Variants in MUC7 observed in about 807,000 individuals in gnomAD.
MUC7 encodes the protein mucin-7.
In MUC7, 2 loss-of-function variants were observed where a neutral mutation model predicts 2.5. That is an observed-to-expected ratio of 0.81 (90% CI 0.33 to 2.55). MUC7 has a LOEUF of 2.55. Ranked by LOEUF, MUC7 falls within the 30% of genes most tolerant of loss-of-function variation. MUC7 has a pLI of 0.11. For missense variants in MUC7, 408 were observed against 455.6 expected (o/e 0.90, Z 0.95); for synonymous variants, 133 against 173.4 (o/e 0.77, Z 1.83).
intron 1 of MUC7, among the ~76,000 whole-genome samples, chr4:70,451,234 A>G (rs948115535): frequency 1.3e-5 from 2 of 152,194 alleles, no homozygotes; most frequent in Non-Finnish European, 2.9e-5. Flanking sequence ...ACAGGACAGC[A>G]CTGAGTTCCA....
At chr4:70,446,555 T>C (rs1311695038) in intron 1 of MUC7, among the ~76,000 whole-genome samples, 1 of 152,332 alleles carries the variant, frequency 6.6e-6, no homozygotes, top group Non-Finnish European at 1.5e-5. Flanking sequence ...GGACAGTAGT[T>C]ATATTGGATT....
At position 70,481,645 on chromosome 4, in the gene MUC7, C is replaced by T; in HGVS notation, c.901C>T (p.Gln301Ter). The change falls in exon 3 of 3, where the codon CAA (glutamine) becomes TAA (stop). Residue 301 changes from glutamine to a stop codon, truncating the protein, a stop_gained. Transcript: ENST00000304887. LOFTEE classifies it low-confidence loss of function (END_TRUNC). ...AGCTCCACCGTCTTCCCCAGCTCCA[C>T]AAGAGACCACAGCTGCCCCAATTAC... ...TPAPPSSPAP[Q>*]ETTAAPITTP... The T allele has an allele frequency of 6.2e-7, 1 of 1,613,814 alleles. No individual in the cohort carries two copies. Among genetic ancestry groups the T allele is most frequent in the Non-Finnish European group, 8.5e-7 (1 of 1,179,792 alleles).
intron 1 of MUC7, among the ~76,000 whole-genome samples, chr4:70,445,687 A>C (rs1013990995): frequency 2.6e-5 from 4 of 152,188 alleles, no homozygotes; most frequent in Non-Finnish European, 5.9e-5. Flanking sequence ...GCTTTGTCTA[A>C]GTAAGACAAC....
chr4:70,438,261 C>T (rs987331194), intron 1 of MUC7, among the ~76,000 whole-genome samples: 2 of 152,178 alleles, frequency 1.3e-5, no homozygotes, highest in Non-Finnish European at 2.9e-5. Flanking sequence ...AAAGTCCAGA[C>T]ATTGCAATAT....
At chr4:70,452,792 C>A (rs1005267913) in intron 1 of MUC7, among the ~76,000 whole-genome samples, 4 of 152,250 alleles carry the variant, frequency 2.6e-5, no homozygotes, top group African/African-American at 9.6e-5. Flanking sequence ...GAGTTTTCTG[C>A]CCTCAGATGA....
intron 1 of MUC7, among the ~76,000 whole-genome samples, chr4:70,456,949 C>A (rs111502330): frequency 5.3e-5 from 8 of 152,094 alleles, no homozygotes. Flanking sequence ...AATCAATAGA[C>A]CATGCCCAAA....
intron 1 of MUC7, among the ~76,000 whole-genome samples, chr4:70,433,311 T>A (rs1733730925): frequency 6.6e-6 from 1 of 152,204 alleles, no homozygotes; most frequent in African/African-American, 2.4e-5. Context: ...ATCTATAAAT[T>A]ACCTTGGGCA....
At position 70,480,889 on chromosome 4, in the gene MUC7, C is replaced by A; in HGVS notation, c.145C>A (p.Pro49Thr). 2 of 1,614,170 alleles carry A rather than the reference C, an allele frequency of 1.2e-6. No homozygotes were observed. Among genetic ancestry groups the A allele is most frequent in the African/African-American group, 1.3e-5 (1 of 75,038 alleles). Residue 49 changes from proline (P) to threonine (T), a missense_variant, in exon 3 of 3, where the codon CCT (proline) becomes ACT (threonine). By Grantham distance (38) the Pro-to-Thr change is conservative. Around this residue, in one of 3 missense-constraint regions of MUC7, gnomAD observed 225 missense variants for 240.5 expected, o/e 0.94. Coordinates refer to ENST00000304887, the MANE Select transcript of MUC7 (RefSeq NM_152291.3). Reference protein sequence around the residue: ...PKSHFELPHYPGLLAHQKPFI... With the variant: ...PKSHFELPHYTGLLAHQKPFI... ...ATCTCACTTTGAATTACCACATTATCCTGGACTGCTAGCTCACCAGAAGCC... is the reference window on the plus strand; with the variant it reads ...ATCTCACTTTGAATTACCACATTATACTGGACTGCTAGCTCACCAGAAGCC...
At chr4:70,454,257 A>G (rs1373349902) in intron 1 of MUC7, among the ~76,000 whole-genome samples, 1 of 152,178 alleles carries the variant, frequency 6.6e-6, no homozygotes, top group Non-Finnish European at 1.5e-5. Context: ...CTGCCTTTCA[A>G]GTTTATTTAG....
intron 1 of MUC7, among the ~76,000 whole-genome samples, chr4:70,434,101 T>G (rs908530521): frequency 6.6e-6 from 1 of 152,188 alleles, no homozygotes; most frequent in African/African-American, 2.4e-5. Flanking sequence ...AGCTTCTTGA[T>G]GTGCTGCTGG....
upstream of MUC7, among the ~76,000 whole-genome samples, chr4:70,470,014 C>T (rs1734790041): frequency 1.3e-5 from 2 of 152,140 alleles, no homozygotes; most frequent in Admixed American, 1.3e-4. Flanking sequence ...AACCCAAATG[C>T]CCATCAATGA....
intron 1 of MUC7, among the ~76,000 whole-genome samples, chr4:70,433,362 G>A (rs1733733182): frequency 6.6e-6 from 1 of 152,124 alleles, no homozygotes; most frequent in African/African-American, 2.4e-5. Context: ...CTACCCATGA[G>A]CATGGAAATT....
chr4:70,475,228 G>A (rs981686095), intron 2 of MUC7, among the ~76,000 whole-genome samples: 9 of 152,026 alleles, frequency 5.9e-5, no homozygotes, highest in African/African-American at 2.2e-4. Context: ...GCAGTGAGCC[G>A]AGATTGCATC....
At chr4:70,442,526 G>A (rs1223645257) in intron 1 of MUC7, among the ~76,000 whole-genome samples, 3 of 152,126 alleles carry the variant, frequency 2.0e-5, no homozygotes, top group African/African-American at 4.8e-5. Flanking sequence ...TCCAGCCTAG[G>A]GGTACATATG....
intron 2 of MUC7, among the ~76,000 whole-genome samples, chr4:70,480,342 C>T (rs188438225): frequency 7.8e-4 from 119 of 152,152 alleles, no homozygotes; most frequent in Non-Finnish European, 1.4e-3. Flanking sequence ...TTGGCTGTTT[C>T]GTATTTTGAT....
chr4:70,444,966 C>T (rs566986365), intron 1 of MUC7, among the ~76,000 whole-genome samples: 3 of 152,210 alleles, frequency 2.0e-5, no homozygotes, highest in African/African-American at 4.8e-5. Context: ...GCAAGAGAAT[C>T]GCTTGAACCT....
chr4:70,460,551 CGGTGG>C (rs1734530252), intron 1 of MUC7, among the ~76,000 whole-genome samples: 1 of 151,700 alleles, frequency 6.6e-6, no homozygotes. Flanking sequence ...CCACTTTTAC[CGGTGG>C]GGTCACTTCT....
intron 1 of MUC7, among the ~76,000 whole-genome samples, chr4:70,443,365 A>G (rs1251522354): frequency 1.3e-5 from 2 of 152,070 alleles, no homozygotes; most frequent in East Asian, 1.9e-4. Flanking sequence ...AAAATCTCCA[A>G]CACAACAAAG....
At chr4:70,457,213 G>C (rs999265887) in intron 1 of MUC7, among the ~76,000 whole-genome samples, 1 of 152,152 alleles carries the variant, frequency 6.6e-6, no homozygotes, top group Non-Finnish European at 1.5e-5. Flanking sequence ...GAAGCCAAGG[G>C]GGGAGGACTG....
Sources: gnomAD v4.1 joint callset for allele counts (sites outside exome capture counted in the v4.1 genomes callset) on GRCh38, gnomAD v4.1.1 for gene constraint, gnomAD v4.1.1 regional missense constraint, MANE v1.5 for transcripts, NCBI Gene and HGNC (gene_info 2026-07-23, HGNC 2026-07-21) for gene names.